KCTD8: variants seen among roughly 807,000 people sequenced by gnomAD.
The protein encoded by KCTD8 is potassium channel tetramerization domain containing 8, also known as BTB/POZ domain-containing protein KCTD8.
KCTD8 carries 27 observed loss-of-function variants against 31.5 expected under a neutral mutation model. The ratio of observed to expected loss-of-function variants is 0.86; its 90% CI spans 0.63 to 1.18. The LOEUF is 1.18. Among genes scored for constraint, KCTD8 ranks in the 50% most tolerant of loss-of-function variants. The probability of loss-of-function intolerance (pLI) is 0.00; values close to 1 mark genes in which losing one functional copy is unlikely to be tolerated. For missense variants in KCTD8, 658 were observed against 647.7 expected, an observed-to-expected ratio of 1.02 and a Z score of -0.17; for synonymous variants, 290 against 280.0, an observed-to-expected ratio of 1.04 and a Z score of -0.36.
intron 1 of KCTD8, among the ~76,000 whole-genome samples, chr4:44,393,352 T>G (rs1360901969): frequency 6.6e-6 from 1 of 152,008 alleles, no homozygotes; most frequent in Non-Finnish European, 1.5e-5. Flanking sequence ...AAATAATATA[T>G]TCCTAAGAAA....
chr4:44,301,712 T>C (rs1188532546), intron 1 of KCTD8, among the ~76,000 whole-genome samples: 1 of 152,324 alleles, frequency 6.6e-6, no homozygotes, highest in Admixed American at 6.5e-5. Flanking sequence ...GCAGAAGCTC[T>C]TTAGTTTAAT....
chr4:44,225,815 CTTT>C (rs35751540), intron 1 of KCTD8, among the ~76,000 whole-genome samples: 3 of 74,452 alleles, frequency 4.0e-5, no homozygotes, highest in African/African-American at 5.4e-5. Flanking sequence ...GGTTTTGTCT[CTTT>C]TTTTTTTTTT....
At chr4:44,306,287 G>A (rs1470677045) in intron 1 of KCTD8, among the ~76,000 whole-genome samples, 1 of 152,008 alleles carries the variant, frequency 6.6e-6, no homozygotes, top group Non-Finnish European at 1.5e-5. Flanking sequence ...GCACTGTGCT[G>A]TCTTCTTAGT....
intron 1 of KCTD8, among the ~76,000 whole-genome samples, chr4:44,218,834 T>C (rs1425800883): frequency 2.6e-5 from 4 of 152,064 alleles, no homozygotes; most frequent in Non-Finnish European, 5.9e-5. Flanking sequence ...TTATAATAAA[T>C]TATAAAATGT....
chr4:44,440,534 C>T (rs1324996610), intron 1 of KCTD8, among the ~76,000 whole-genome samples: 1 of 152,240 alleles, frequency 6.6e-6, no homozygotes, highest in Non-Finnish European at 1.5e-5. Context: ...GTCTTACCCA[C>T]GCTTTAGCCT....
chr4:44,327,046 T>C (rs1178822827), intron 1 of KCTD8, among the ~76,000 whole-genome samples: 5 of 151,882 alleles, frequency 3.3e-5, no homozygotes, highest in Non-Finnish European at 5.9e-5. Flanking sequence ...CAAGGAAGAT[T>C]TGTTCCTGTA....
chr4:44,429,578 C>A (rs1050715294), intron 1 of KCTD8, among the ~76,000 whole-genome samples: 1 of 151,754 alleles, frequency 6.6e-6, no homozygotes, highest in Non-Finnish European at 1.5e-5. Flanking sequence ...TAAAAATATA[C>A]ACCATTCAAT....
chr4:44,292,470 T>C (rs1309181491), intron 1 of KCTD8, among the ~76,000 whole-genome samples: 2 of 152,058 alleles, frequency 1.3e-5, no homozygotes, highest in African/African-American at 2.4e-5. Context: ...TGAGGATTAC[T>C]AGAAGTAGAG....
intron 1 of KCTD8, among the ~76,000 whole-genome samples, chr4:44,384,090 C>G (rs1720143623): frequency 6.6e-6 from 1 of 151,136 alleles, no homozygotes; most frequent in African/African-American, 2.4e-5. Context: ...CAGGGAAATG[C>G]AAATCAAAAC....
At chr4:44,409,768 T>C (rs1720905761) in intron 1 of KCTD8, among the ~76,000 whole-genome samples, 1 of 130,572 alleles carries the variant, frequency 7.7e-6, no homozygotes, top group South Asian at 2.9e-4. Context: ...AGCCCTCATC[T>C]TCAGGTTTCC....
intron 1 of KCTD8, among the ~76,000 whole-genome samples, chr4:44,405,855 G>C: frequency 7.8e-6 from 1 of 128,350 alleles, no homozygotes; most frequent in Non-Finnish European, 1.6e-5. Flanking sequence ...CAATAGTACT[G>C]TTTTGTTTAT....
At chr4:44,196,899 C>A (rs978957435) in intron 1 of KCTD8, among the ~76,000 whole-genome samples, 1 of 152,190 alleles carries the variant, frequency 6.6e-6, no homozygotes, top group East Asian at 1.9e-4. Flanking sequence ...GCCATAACAC[C>A]AACAGAGGCC....
chr4:44,246,476 C>T (rs1715669782), intron 1 of KCTD8, among the ~76,000 whole-genome samples: 1 of 151,960 alleles, frequency 6.6e-6, no homozygotes, highest in Admixed American at 6.6e-5. Context: ...TAAATTTTTA[C>T]CTACAAATAT....
intron 1 of KCTD8, among the ~76,000 whole-genome samples, chr4:44,291,908 A>G (rs1396466368): frequency 2.0e-5 from 3 of 151,202 alleles, no homozygotes; most frequent in African/African-American, 7.3e-5. Flanking sequence ...AGAGAAATGC[A>G]AATGAAAGCC....
intron 1 of KCTD8, among the ~76,000 whole-genome samples, chr4:44,233,804 A>T (rs758978320): frequency 5.3e-5 from 8 of 152,048 alleles, no homozygotes; most frequent in Non-Finnish European, 1.2e-4. Context: ...TTTCCTAAGA[A>T]TTTTTTTTAA....
At chr4:44,419,062 ATGG>A (rs1175869556) in intron 1 of KCTD8, among the ~76,000 whole-genome samples, 1 of 152,176 alleles carries the variant, frequency 6.6e-6, no homozygotes, top group Admixed American at 6.6e-5. Context: ...TTCTGGGAAA[ATGG>A]TGGTAGCAGT....
chr4:44,337,861 T>C (rs541314612), intron 1 of KCTD8, among the ~76,000 whole-genome samples: 1 of 152,058 alleles, frequency 6.6e-6, no homozygotes, highest in South Asian at 2.1e-4. Context: ...GGAATAGTAC[T>C]AATATTTTAT....
At chr4:44,404,136 T>C (rs1219430008) in intron 1 of KCTD8, among the ~76,000 whole-genome samples, 1 of 152,158 alleles carries the variant, frequency 6.6e-6, no homozygotes, top group East Asian at 1.9e-4. Flanking sequence ...CAAAATCATT[T>C]TACTGACATC....
At chr4:44,188,240 G>A (rs574222696) in intron 1 of KCTD8, among the ~76,000 whole-genome samples, 11 of 152,230 alleles carry the variant, frequency 7.2e-5, no homozygotes, top group Admixed American at 7.2e-4. Context: ...ATTTATAAAA[G>A]TGTGCCTGTT....
Sources: gnomAD v4.1 joint callset for allele counts (sites outside exome capture counted in the v4.1 genomes callset) on GRCh38, gnomAD v4.1.1 for gene constraint, MANE v1.5 for transcripts, NCBI Gene and HGNC (gene_info 2026-07-23, HGNC 2026-07-21) for gene names.